PRDM11: variants seen among roughly 807,000 people sequenced by gnomAD.
PRDM11 encodes the protein PR domain-containing protein 11.
A neutral mutation model predicts 97.8 loss-of-function variants in PRDM11; 20 were observed. The ratio of observed to expected loss-of-function variants is 0.20; its 90% confidence interval spans 0.14 to 0.30. The LOEUF is 0.30. PRDM11 is among the 10% of genes least tolerant of loss of function. The pLI is 1.00. For synonymous variants in PRDM11, 599 were observed against 637.7 expected, an observed-to-expected ratio of 0.94 and a Z score of 0.91; for missense variants, 1,139 against 1,555.2, an observed-to-expected ratio of 0.73 and a Z score of 4.50.
intron 4 of PRDM11, among the ~76,000 whole-genome samples, chr11:45,194,637 C>T (rs1448026010): frequency 8.8e-6 from 1 of 113,338 alleles, no homozygotes; most frequent in Non-Finnish European, 1.6e-5. Flanking sequence ...CTCGCTCTGT[C>T]GCCCAGGCTG....
At chr11:45,099,561 A>G (rs1204801015) in intron 1 of PRDM11, among the ~76,000 whole-genome samples, 1 of 143,356 alleles carries the variant, frequency 7.0e-6, no homozygotes, top group Non-Finnish European at 1.5e-5. Context: ...TTTTTTTTTT[A>G]CTTTTTTTAT....
chr11:45,154,272 C>T (rs1475846225), intron 1 of PRDM11, among the ~76,000 whole-genome samples: 1 of 152,146 alleles, frequency 6.6e-6, no homozygotes, highest in Admixed American at 6.5e-5. Flanking sequence ...GGGAAGATCA[C>T]TGGACCCTGG....
chr11:45,223,592 A>G (rs760115800), intron 6 of PRDM11, among the ~76,000 whole-genome samples: 1 of 152,106 alleles, frequency 6.6e-6, no homozygotes, highest in Non-Finnish European at 1.5e-5. Context: ...TTCTGCCCTT[A>G]GTCGTCAGTG....
intron 6 of PRDM11, among the ~76,000 whole-genome samples, chr11:45,222,234 A>G (rs1854140405): frequency 1.3e-5 from 2 of 152,166 alleles, no homozygotes; most frequent in South Asian, 4.1e-4. Context: ...TTTGGAACCA[A>G]TTTCATGATG....
At chr11:45,164,073 C>T (rs747230884) in intron 1 of PRDM11, among the ~76,000 whole-genome samples, 4 of 152,206 alleles carry the variant, frequency 2.6e-5, no homozygotes, top group Non-Finnish European at 5.9e-5. Context: ...CCCTCTGAAC[C>T]TCACTCAGTT....
intron 1 of PRDM11, among the ~76,000 whole-genome samples, chr11:45,099,322 G>A (rs183862153): frequency 2.0e-5 from 3 of 152,140 alleles, no homozygotes; most frequent in Admixed American, 1.3e-4. Flanking sequence ...GTGGTGATGT[G>A]TGCCTGTAGT....
At chr11:45,185,182 C>A (rs1353728353) in intron 4 of PRDM11, among the ~76,000 whole-genome samples, 3 of 152,192 alleles carry the variant, frequency 2.0e-5, no homozygotes, top group African/African-American at 7.2e-5. Flanking sequence ...AGCAGTGGGT[C>A]TGAACCTGAG....
At chr11:45,202,656 G>T (rs1055130573) in intron 4 of PRDM11, among the ~76,000 whole-genome samples, 2 of 152,176 alleles carry the variant, frequency 1.3e-5, no homozygotes, top group Admixed American at 1.3e-4. Context: ...TAGGATGGTG[G>T]TTACTCTTGG....
chr11:45,166,338 G>C (rs1271995120), intron 1 of PRDM11, among the ~76,000 whole-genome samples: 2 of 152,194 alleles, frequency 1.3e-5, no homozygotes, highest in Non-Finnish European at 2.9e-5. Flanking sequence ...AGCAATCCCT[G>C]CAATGAAAGG....
At chr11:45,215,058 AAAAC>A (rs1325788415) in intron 5 of PRDM11, among the ~76,000 whole-genome samples, 1 of 152,260 alleles carries the variant, frequency 6.6e-6, no homozygotes, top group East Asian at 1.9e-4. Flanking sequence ...AAGTTCTGGA[AAAAC>A]AATCACCGTT....
intron 1 of PRDM11, among the ~76,000 whole-genome samples, chr11:45,157,469 T>C (rs1366552854): frequency 1.3e-5 from 2 of 152,200 alleles, no homozygotes; most frequent in African/African-American, 4.8e-5. Flanking sequence ...TCTCCTGCTC[T>C]GCAACCTGGT....
intron 1 of PRDM11, among the ~76,000 whole-genome samples, chr11:45,131,671 T>C (rs1485249523): frequency 6.6e-6 from 1 of 152,236 alleles, no homozygotes; most frequent in Non-Finnish European, 1.5e-5. Context: ...CAGGAGTAAG[T>C]TATTGACTTT....
intron 4 of PRDM11, among the ~76,000 whole-genome samples, chr11:45,193,046 T>C (rs888479555): frequency 6.6e-6 from 1 of 152,258 alleles, no homozygotes; most frequent in Non-Finnish European, 1.5e-5. Flanking sequence ...TATTTGTCTC[T>C]ATTTGAAACA....
At chr11:45,189,934 G>A (rs1030087936) in intron 4 of PRDM11, among the ~76,000 whole-genome samples, 1 of 152,150 alleles carries the variant, frequency 6.6e-6, no homozygotes, top group East Asian at 1.9e-4. Flanking sequence ...TGCAGTGTGT[G>A]AGCATGCACG....
At chr11:45,118,160 A>T (rs944005365) in intron 1 of PRDM11, among the ~76,000 whole-genome samples, 4 of 152,242 alleles carry the variant, frequency 2.6e-5, no homozygotes, top group African/African-American at 9.6e-5. Flanking sequence ...AACCAAGAGG[A>T]TCTTAAAGAG....
chr11:45,204,791 C>T lies in PRDM11; in HGVS notation c.554+13C>T. The T allele has an allele frequency of 6.2e-7, 1 of 1,601,808 alleles. No individual in the cohort carries two copies. The highest frequency in any genetic ancestry group is 1.1e-5 in the South Asian group (1 of 90,814). The stretch of plus-strand genomic sequence containing the variant: ...CCAACTGGATGAGGTGAGCCCTGCT[C>T]TGCTGATGTCCCGGGGGTCTTGCCT... On this transcript the variant is annotated intron_variant, in intron 5 of 7. Transcript: ENST00000683152.
intron 1 of PRDM11, among the ~76,000 whole-genome samples, chr11:45,108,183 C>T (rs1440080589): frequency 6.6e-6 from 1 of 152,156 alleles, no homozygotes; most frequent in Non-Finnish European, 1.5e-5. Context: ...CATTTTCAGC[C>T]AGTGCTGCCA....
intron 1 of PRDM11, among the ~76,000 whole-genome samples, chr11:45,107,251 C>T (rs745995371): frequency 9.9e-5 from 15 of 152,148 alleles, no homozygotes; most frequent in African/African-American, 3.1e-4. Context: ...AGCCCACTCC[C>T]GGGCTCCACA....
rs545116336 is a variant in PRDM11, at chr11:45,227,546, G to T, written c.2921G>T (p.Arg974Met). The stretch of plus-strand genomic sequence containing the variant: ...AAGACCCAGGTCATCCTGGCTCAGA[G>T]GTTCGACTCCCGCAGCCGGATCTTT... Reference protein sequence around the residue: ...CQKTQVILAQRFDSRSRIFVK... With the variant: ...CQKTQVILAQMFDSRSRIFVK... Residue 974 changes from arginine (R) to methionine (M), a missense_variant, in exon 8 of 8, where the codon AGG becomes ATG. Around this residue, in one of 2 missense-constraint regions of PRDM11, gnomAD observed 710 missense variants for 1,044.9 expected, o/e 0.68. Coordinates refer to ENST00000683152, the MANE Select transcript of PRDM11 (RefSeq NM_001384648.1). This position sits in a 1 kb window ranked among gnomAD's most constrained non-coding sequence, Gnocchi z 8.0. 1.3e-6 allele frequency: 2 copies of T among 1,533,950 alleles called. No homozygotes were observed. The highest frequency in any genetic ancestry group is 2.4e-5 in the South Asian group (2 of 83,974).
Sources: allele counts gnomAD v4.1 joint callset (sites outside exome capture counted in the v4.1 genomes callset), GRCh38; gene constraint gnomAD v4.1.1; regional missense constraint gnomAD v4.1.1; non-coding constraint Gnocchi (gnomAD v3.1); transcripts MANE v1.5; gene names NCBI Gene and HGNC (gene_info 2026-07-23, HGNC 2026-07-21).